TBCK: variants seen among roughly 807,000 people sequenced by gnomAD.
TBCK encodes TBC1 domain containing kinase.
TBCK carries 99 observed loss-of-function variants against 113.4 expected under a neutral mutation model. That is an observed-to-expected ratio of 0.87 (90% CI 0.74 to 1.03). The LOEUF (loss-of-function observed/expected upper bound fraction) is 1.03, where lower values mean the gene tolerates loss of function less well. Ranked by LOEUF, TBCK falls within the 50% of genes least tolerant of loss-of-function variation. TBCK has a pLI of 0.00. For missense variants in TBCK, 1,045 were observed against 1,061.3 expected (o/e 0.98, Z 0.21); for synonymous variants, 369 against 370.8 (o/e 1.00, Z 0.05).
Position 106,233,113 on chromosome 4 carries a change from C to T in TBCK, c.1513-49G>A, listed in dbSNP as rs762375364. ...GGTGAAACAGTAATTGTGTAATCAG[C>T]AATAAACCCTTAATCCTTGTTCATT... On this transcript the variant is annotated intron_variant, in intron 16 of 25. Coordinates refer to ENST00000394708, the MANE Select transcript of TBCK (RefSeq NM_001163435.3). 3.3e-6 allele frequency: 5 copies of T among 1,537,414 alleles called. No homozygotes were observed. In the Admixed American group the frequency reaches 5.2e-5, roughly 16 times the overall value.
intron 25 of TBCK, among the ~76,000 whole-genome samples, chr4:106,046,940 T>C (rs139836527): frequency 3.4e-4 from 52 of 152,270 alleles, no homozygotes; most frequent in African/African-American, 1.2e-3. Context: ...TAAATATACA[T>C]GGTAAACAAT....
At chr4:106,292,509 G>A (rs1395513279) in intron 3 of TBCK, among the ~76,000 whole-genome samples, 1 of 151,258 alleles carries the variant, frequency 6.6e-6, no homozygotes, top group Non-Finnish European at 1.5e-5. Flanking sequence ...GGAGGAGCTT[G>A]CAGTGAGCCA....
chr4:106,076,877 C>T lies in TBCK; in HGVS notation c.2571+18605G>A, dbSNP rs565420723. Among the ~76,000 whole-genome samples the T allele has an allele frequency of 8.5e-4, 129 of 152,124 alleles. 3 individuals are homozygous for T. Among genetic ancestry groups the T allele is most frequent in the South Asian group, 8.3e-3 (40 of 4,810 alleles). ...TAGCATTTTGGGAGGCTGAGGTGGG[C>T]AGATTGCTTGAGCCCCAGGAGTTTG... On this transcript the variant is annotated intron_variant, in intron 25 of 25. Transcript: ENST00000394708.
chr4:106,290,694 C>G (rs948857427), intron 3 of TBCK, among the ~76,000 whole-genome samples: 1 of 152,094 alleles, frequency 6.6e-6, no homozygotes, highest in Non-Finnish European at 1.5e-5. Flanking sequence ...AGTCCTGGAC[C>G]CTGTACCTAG....
intron 23 of TBCK, among the ~76,000 whole-genome samples, chr4:106,137,098 C>T (rs1463481710): frequency 7.1e-6 from 1 of 139,934 alleles, no homozygotes; most frequent in Non-Finnish European, 1.6e-5. Context: ...TGACACTTGT[C>T]ACTGTCAAAG....
chr4:106,178,855 T>C (rs185300155), intron 22 of TBCK, among the ~76,000 whole-genome samples: 390 of 152,014 alleles, frequency 2.6e-3, no homozygotes, highest in South Asian at 0.017. Flanking sequence ...AACATAGGCA[T>C]CCACTGCTGG....
intron 23 of TBCK, among the ~76,000 whole-genome samples, chr4:106,167,101 T>C (rs1397354501): frequency 6.8e-6 from 1 of 147,800 alleles, no homozygotes; most frequent in Non-Finnish European, 1.5e-5. Flanking sequence ...TGTGTGTGTG[T>C]GTATTATATA....
At chr4:106,222,587 G>T (rs2149953691) in intron 19 of TBCK, among the ~76,000 whole-genome samples, 1 of 152,176 alleles carries the variant, frequency 6.6e-6, no homozygotes, top group African/African-American at 2.4e-5. Context: ...ATCAGAAATG[G>T]TATTCTCAAT....
At chr4:106,144,245 T>C (rs557148813) in intron 23 of TBCK, among the ~76,000 whole-genome samples, 1 of 152,328 alleles carries the variant, frequency 6.6e-6, no homozygotes, top group African/African-American at 2.4e-5. Flanking sequence ...AGGAAATTGA[T>C]ATAAAATGAT....
upstream of TBCK, chr4:106,316,616 C>A: frequency 6.4e-7 from 1 of 1,550,416 alleles, no homozygotes; most frequent in South Asian, 1.2e-5. Context: ...CGTGGCGGGT[C>A]ACTCACTCGG....
chr4:106,070,512 G>A (rs1737274155), intron 25 of TBCK, among the ~76,000 whole-genome samples: 1 of 152,090 alleles, frequency 6.6e-6, no homozygotes, highest in Non-Finnish European at 1.5e-5. Flanking sequence ...TGGTGGATAA[G>A]CTTTTTGATA....
chr4:106,064,088 A>G (rs1736354831), intron 25 of TBCK, among the ~76,000 whole-genome samples: 1 of 151,906 alleles, frequency 6.6e-6, no homozygotes, highest in Non-Finnish European at 1.5e-5. Flanking sequence ...ATATTACCAC[A>G]ACACAAATTA....
chr4:106,130,297 C>G (rs192709706), intron 23 of TBCK, among the ~76,000 whole-genome samples: 5 of 152,148 alleles, frequency 3.3e-5, no homozygotes, highest in African/African-American at 9.6e-5. Context: ...GTTCTATGGA[C>G]AGTCACAGAT....
chr4:106,236,942 A>T (rs1579348867), intron 12 of TBCK, 134 bp from the exon 13 acceptor site: 1 of 443,510 alleles, frequency 2.3e-6, no homozygotes, highest in East Asian at 3.7e-5. Context: ...AGAGTCTAAA[A>T]ATCAGTTCTT....
intron 15 of TBCK, among the ~76,000 whole-genome samples, chr4:106,234,695 T>C (rs1198667653): frequency 6.6e-6 from 1 of 152,052 alleles, no homozygotes; most frequent in Non-Finnish European, 1.5e-5. Context: ...ATGAAAAAAA[T>C]CTGGCAAGAA....
intron 25 of TBCK, among the ~76,000 whole-genome samples, chr4:106,057,486 T>C (rs1735567893): frequency 6.6e-6 from 1 of 151,760 alleles, no homozygotes; most frequent in Non-Finnish European, 1.5e-5. Flanking sequence ...GAAAACTCTT[T>C]AACATAGCAC....
intron 25 of TBCK, among the ~76,000 whole-genome samples, chr4:106,061,536 T>C (rs1348757185): frequency 6.6e-6 from 1 of 151,396 alleles, no homozygotes; most frequent in African/African-American, 2.4e-5. Context: ...GACTACAGTA[T>C]AGTGTAAACC....
chr4:106,133,193 G>C (rs1746159850), intron 23 of TBCK, among the ~76,000 whole-genome samples: 1 of 152,158 alleles, frequency 6.6e-6, no homozygotes, highest in African/African-American at 2.4e-5. Context: ...CAAGTGTGAA[G>C]GGTGGGGTCA....
chr4:106,218,341 A>T (rs1399031062), intron 19 of TBCK, among the ~76,000 whole-genome samples: 2 of 150,668 alleles, frequency 1.3e-5, no homozygotes, highest in Non-Finnish European at 3.0e-5. Context: ...ACCAAAAGCA[A>T]TGGCAACAAA....
Sources: gnomAD v4.1 joint callset for allele counts (sites outside exome capture counted in the v4.1 genomes callset) on GRCh38, gnomAD v4.1.1 for gene constraint, MANE v1.5 for transcripts, NCBI Gene and HGNC (gene_info 2026-07-23, HGNC 2026-07-21) for gene names.